The following PWP1 variants were observed in gnomAD, a reference collection of about 807,000 sequenced individuals.
The protein encoded by PWP1 is PWP1 homolog, endonuclein.
A neutral mutation model predicts 69.9 loss-of-function variants in PWP1; 47 were observed. The observed-to-expected ratio is 0.67, with a 90% CI of 0.53 to 0.86. The LOEUF (loss-of-function observed/expected upper bound fraction) is 0.86. Among genes scored for constraint, PWP1 ranks in the 40% least tolerant of loss-of-function variants. The pLI is 0.00. For missense variants in PWP1, 551 were observed against 608.8 expected, an observed-to-expected ratio of 0.91 and a Z score of 1.00; for synonymous variants, 222 against 208.2, an observed-to-expected ratio of 1.07 and a Z score of -0.57.
At chr12:107,701,155 C>G (rs1383942474) in intron 8 of PWP1, among the ~76,000 whole-genome samples, 1 of 152,148 alleles carries the variant, frequency 6.6e-6, no homozygotes, top group Non-Finnish European at 1.5e-5. Context: ...GAGACAGGGT[C>G]TCACTCTGTC....
At position 107,685,872 on chromosome 12, in the gene PWP1, A is replaced by C. The variant is rs1889352332; in HGVS notation, c.-28A>C. On this transcript the variant is annotated 5_prime_UTR_variant, in exon 1 of 15. An upstream open reading frame in the 5' UTR loses its in-frame stop. Transcript: ENST00000412830. ...TCCCTCCCTATGCAGCCTGGTTTCT[A>C]GCGTGACACGCCCTTGACTTGAGGA... is the stretch of plus-strand genomic sequence containing the variant. 1 of 1,613,016 alleles carries C rather than the reference A, an allele frequency of 6.2e-7. No individual in the cohort carries two copies. Among genetic ancestry groups the C allele is most frequent in the African/African-American group, 1.3e-5 (1 of 74,930 alleles).
At position 107,712,102 on chromosome 12, in the gene PWP1, G is replaced by A; in HGVS notation, c.1397-9G>A. The A allele has an allele frequency of 2.5e-6, 4 of 1,606,480 alleles. No homozygotes were observed. The highest frequency in any genetic ancestry group is 2.6e-6 in the Non-Finnish European group (3 of 1,173,336). On this transcript the variant is annotated splice_polypyrimidine_tract_variant and intron_variant, in intron 14 of 14. Transcript: ENST00000412830. Reference sequence around the variant, plus strand: ...CTGTTAGTTTCTTACCTGTTTATTTGTATTTTAGTAAATGAAGCATTTGGA... The same window carrying A: ...CTGTTAGTTTCTTACCTGTTTATTTATATTTTAGTAAATGAAGCATTTGGA...
intron 8 of PWP1, among the ~76,000 whole-genome samples, chr12:107,700,125 A>G (rs1358904980): frequency 2.0e-5 from 3 of 152,154 alleles, no homozygotes; most frequent in Non-Finnish European, 4.4e-5. Flanking sequence ...ATTACCTTCC[A>G]CCTGGTCCTT....
At chr12:107,700,904 CT>C (rs1378841592) in intron 8 of PWP1, among the ~76,000 whole-genome samples, 1 of 151,926 alleles carries the variant, frequency 6.6e-6, no homozygotes, top group African/African-American at 2.4e-5. Flanking sequence ...ATTTCCCCCC[CT>C]TTTTTTAAGG....
intron 8 of PWP1, among the ~76,000 whole-genome samples, chr12:107,699,734 T>C (rs1165420785): frequency 6.6e-6 from 1 of 152,228 alleles, no homozygotes; most frequent in Admixed American, 6.5e-5. Context: ...ATTGTGTTTC[T>C]TCCCAGGAGA....
At chr12:107,712,062 A>T in intron 14 of PWP1, 49 bp from the exon 15 acceptor site, 1 of 1,480,436 alleles carries the variant, frequency 6.8e-7, no homozygotes, top group Non-Finnish European at 9.4e-7. Flanking sequence ...TTATATTCTG[A>T]CTTAATTTCC....
intron 11 of PWP1, among the ~76,000 whole-genome samples, chr12:107,707,028 A>G (rs1166341818): frequency 6.6e-6 from 1 of 152,032 alleles, no homozygotes; most frequent in Non-Finnish European, 1.5e-5. Context: ...CTTCCTATCC[A>G]TGAGCATGGA....
intron 1 of PWP1, 158 bp downstream of exon 1, chr12:107,686,129 G>C (rs1201497795): frequency 1.6e-5 from 12 of 738,478 alleles, no homozygotes; most frequent in Non-Finnish European, 2.7e-5. Flanking sequence ...TAGAGCTGCA[G>C]TTCAGAAGGT....
At chr12:107,704,515 C>G in intron 10 of PWP1, 121 bp from the exon 11 acceptor site, 1 of 686,170 alleles carries the variant, frequency 1.5e-6, no homozygotes, top group Non-Finnish European at 2.4e-6. Flanking sequence ...TATTTAGAAC[C>G]TTAAAACAGG....
At chr12:107,691,659 C>T (rs1285168958) in intron 3 of PWP1, among the ~76,000 whole-genome samples, 1 of 150,848 alleles carries the variant, frequency 6.6e-6, no homozygotes, top group Non-Finnish European at 1.5e-5. Context: ...AGAATTGGTA[C>T]GTCTGGTTTC....
chr12:107,685,871 T>C lies in PWP1; in HGVS notation c.-29T>C. 1.2e-6 allele frequency: 2 copies of C among 1,613,148 alleles called. No homozygotes were observed. The highest frequency in any genetic ancestry group is 1.1e-5 in the South Asian group (1 of 91,070). On this transcript the variant is annotated 5_prime_UTR_variant, in exon 1 of 15. An upstream open reading frame in the 5' UTR loses its in-frame stop. Coordinates refer to ENST00000412830, the MANE Select transcript of PWP1 (RefSeq NM_007062.3). ...GTCCCTCCCTATGCAGCCTGGTTTC[T>C]AGCGTGACACGCCCTTGACTTGAGG...
At chr12:107,689,518 G>A (rs2136270880) in intron 3 of PWP1, among the ~76,000 whole-genome samples, 1 of 152,294 alleles carries the variant, frequency 6.6e-6, no homozygotes, top group East Asian at 1.9e-4. Flanking sequence ...GGCCGAGGCA[G>A]GTGGATCACT....
chr12:107,686,305 A>G (rs1366563930), intron 1 of PWP1, among the ~76,000 whole-genome samples: 1 of 152,156 alleles, frequency 6.6e-6, no homozygotes, highest in Non-Finnish European at 1.5e-5. Context: ...TGACAACACC[A>G]CTAGCTTCAC....
intron 5 of PWP1, 62 bp from the exon 6 acceptor site, chr12:107,696,412 C>T (rs1382377737): frequency 2.4e-5 from 38 of 1,578,296 alleles, no homozygotes; most frequent in South Asian, 8.1e-5. Flanking sequence ...TTTTTTTGAG[C>T]GGGATGTGAT....
chr12:107,689,522 G>T (rs1009928374), intron 3 of PWP1, among the ~76,000 whole-genome samples: 1 of 152,172 alleles, frequency 6.6e-6, no homozygotes. Flanking sequence ...GAGGCAGGTG[G>T]ATCACTTGAG....
chr12:107,698,545 A>G lies in PWP1; in HGVS notation c.745-828A>G, dbSNP rs538529845. Among the ~76,000 whole-genome samples the G allele has an allele frequency of 3.3e-5, 5 of 152,196 alleles. 1 individual carries two copies. The highest frequency in any genetic ancestry group is 4.1e-4 in the South Asian group (2 of 4,820). On this transcript the variant is annotated intron_variant, in intron 7 of 14. Transcript: ENST00000412830. ...TTTGTCTCTAAAAAAATAAACTACT[A>G]TAGTTTCTTCCCTGTTCCTTGTAAT... is the stretch of plus-strand genomic sequence containing the variant.
rs1889349374 is a variant in PWP1 at position 107,685,802 on chromosome 12, G to T, written c.-98G>T. On this transcript the variant is annotated 5_prime_UTR_variant, in exon 1 of 15. Transcript: ENST00000412830. ...TGCGCATGCGCTCTGCCCTGGCAGC[G>T]GCCCTGTGCAGATCCCTGAGCGTGT... 3 of 1,313,700 alleles carry T rather than the reference G, an allele frequency of 2.3e-6. No homozygotes were observed. Among genetic ancestry groups the T allele is most frequent in the Non-Finnish European group, 1.1e-6 (1 of 925,258 alleles). 81.4% of individuals were successfully genotyped at this position (1,313,700 alleles called of 1,614,324 possible). A position where few individuals can be genotyped will look rare whatever the true frequency, so the allele number is the denominator to read the frequency against.
chr12:107,707,050 T>C (rs1322695389), intron 11 of PWP1, among the ~76,000 whole-genome samples: 3 of 152,086 alleles, frequency 2.0e-5, no homozygotes, highest in African/African-American at 7.3e-5. Context: ...TGTTCTTCCA[T>C]TTGTTTGTGT....
rs368636928 is a variant in PWP1, at chr12:107,689,163, T to TC, written c.319+367dup. Among the ~76,000 whole-genome samples, 822 of 152,236 alleles carry TC rather than the reference T, an allele frequency of 5.4e-3. 13 individuals are homozygous for TC. Among genetic ancestry groups the TC allele is most frequent in the African/African-American group, 0.019 (785 of 41,548 alleles). On this transcript the variant is annotated intron_variant, in intron 3 of 14. Coordinates refer to ENST00000412830, the MANE Select transcript of PWP1 (RefSeq NM_007062.3). ...AGTCAGTCTTCTCACAATACAGTAGTCCCCCCTTATCCACGGTTTTGCTTT... is the reference window on the plus strand; with the variant it reads ...AGTCAGTCTTCTCACAATACAGTAGTCCCCCCCTTATCCACGGTTTTGCTTT...
Sources: allele counts gnomAD v4.1 joint callset (sites outside exome capture counted in the v4.1 genomes callset), GRCh38; gene constraint gnomAD v4.1.1; transcripts MANE v1.5; gene names NCBI Gene and HGNC (gene_info 2026-07-23, HGNC 2026-07-21).